Variants in CHD9 observed in about 807,000 individuals in gnomAD.
CHD9 encodes the protein ATP-dependent chromatin remodeler CHD9.
Under a neutral mutation model 316.1 loss-of-function variants are expected in CHD9, and 77 were observed. The observed-to-expected ratio is 0.24, with a 90% CI of 0.20 to 0.29. The LOEUF (loss-of-function observed/expected upper bound fraction) is 0.29. CHD9 is among the 10% of genes least tolerant of loss of function. The pLI, the probability that CHD9 is intolerant of heterozygous loss-of-function variation, is 1.00. For missense variants in CHD9, 2,763 were observed against 3,438.1 expected, an observed-to-expected ratio of 0.80 and a Z score of 4.91; for synonymous variants, 1,129 against 1,158.3, an observed-to-expected ratio of 0.97 and a Z score of 0.51.
chr16:53,056,760 G>A lies in CHD9; in HGVS notation c.-165+1683G>A, dbSNP rs965551075. On this transcript the variant is annotated intron_variant, in intron 1 of 38. Coordinates refer to ENST00000447540, the MANE Select transcript of CHD9 (RefSeq NM_001308319.2). Reference sequence around the variant, plus strand: ...ATTATTGAGAGCCTACTGTGGGCCAGGCAGTTTTCCAGATGCTAGAGATAA... The same window carrying A: ...ATTATTGAGAGCCTACTGTGGGCCAAGCAGTTTTCCAGATGCTAGAGATAA... Among the ~76,000 whole-genome samples, 15 of 152,302 alleles carry A rather than the reference G, an allele frequency of 9.8e-5. No homozygotes were observed. The East Asian group carries it at 2.9e-3, about 29-fold the overall frequency.
intron 7 of CHD9, among the ~76,000 whole-genome samples, chr16:53,227,859 T>TC (rs1184384294): frequency 6.6e-6 from 1 of 151,942 alleles, no homozygotes; most frequent in Non-Finnish European, 1.5e-5. Context: ...GCCAAGGCGG[T>TC]CATATCACGA....
intron 1 of CHD9, among the ~76,000 whole-genome samples, chr16:53,087,840 C>T (rs1355815976): frequency 1.3e-5 from 2 of 151,624 alleles, no homozygotes; most frequent in African/African-American, 2.4e-5. Flanking sequence ...CCCAGCTACT[C>T]GGGAAGCTGA....
intron 1 of CHD9, among the ~76,000 whole-genome samples, chr16:53,091,843 C>G (rs577685212): frequency 5.3e-5 from 8 of 152,128 alleles, no homozygotes; most frequent in Non-Finnish European, 1.2e-4. Flanking sequence ...TTCTCTCCTT[C>G]CTTCCTTTTG....
intron 1 of CHD9, among the ~76,000 whole-genome samples, chr16:53,089,044 G>A (rs1482720865): frequency 6.6e-5 from 10 of 152,122 alleles, no homozygotes; most frequent in East Asian, 3.9e-4. Flanking sequence ...CCTGGGAGGC[G>A]GAGGTTGCAG....
intron 19 of CHD9, among the ~76,000 whole-genome samples, chr16:53,259,252 T>C (rs1001380375): frequency 6.6e-6 from 1 of 152,204 alleles, no homozygotes; most frequent in Non-Finnish European, 1.5e-5. Context: ...TAAAATTGTT[T>C]TATTTGTAAA....
chr16:53,172,557 T>C (rs1360183801), intron 2 of CHD9, among the ~76,000 whole-genome samples: 6 of 152,182 alleles, frequency 3.9e-5, no homozygotes, highest in Non-Finnish European at 7.4e-5. Flanking sequence ...GGGTTTTTAA[T>C]AGGTATATAT....
At chr16:53,138,038 G>A (rs1454116425) in intron 1 of CHD9, among the ~76,000 whole-genome samples, 1 of 151,934 alleles carries the variant, frequency 6.6e-6, no homozygotes, top group African/African-American at 2.4e-5. Flanking sequence ...AAGGAGGGGG[G>A]GAAATATGAC....
Position 53,227,409 on chromosome 16 carries a change from A to C in CHD9, c.2057A>C (p.Glu686Ala). The C allele has an allele frequency of 1.3e-6, 2 of 1,567,150 alleles. No homozygotes were observed. Among genetic ancestry groups the C allele is most frequent in the Non-Finnish European group, 1.7e-6 (2 of 1,154,920 alleles). Reference protein sequence around the residue: ...PLQLFVENPSEEDAAIVDKIL... With the variant: ...PLQLFVENPSAEDAAIVDKIL... ...TCCCTCCCATAGGAGAATCCGAGTGAAGAAGATGCTGCAATTGTAGACAAA... is the reference window on the plus strand; with the variant it reads ...TCCCTCCCATAGGAGAATCCGAGTGCAGAAGATGCTGCAATTGTAGACAAA... The change falls in exon 6 of 39, where the codon GAA becomes GCA. Residue 686 changes from glutamate to alanine, a missense_variant. Coordinates refer to ENST00000447540, the MANE Select transcript of CHD9 (RefSeq NM_001308319.2).
chr16:53,122,414 C>T (rs977239263), intron 1 of CHD9, among the ~76,000 whole-genome samples: 7 of 152,144 alleles, frequency 4.6e-5, no homozygotes, highest in African/African-American at 7.2e-5. Flanking sequence ...TTATTTACTG[C>T]GGAACTAATT....
At chr16:53,229,515 A>T (rs2047984189) in intron 8 of CHD9, among the ~76,000 whole-genome samples, 2 of 152,154 alleles carry the variant, frequency 1.3e-5, no homozygotes, top group Non-Finnish European at 2.9e-5. Context: ...CTCTGGAAAA[A>T]TTTACCTCTC....
At position 53,157,114 on chromosome 16, in the gene CHD9, C is replaced by T. The variant is rs750583516; in HGVS notation, c.1025C>T (p.Ser342Leu). Reference protein sequence around the residue: ...LNSNNFQILHSSHPQGNYSNS... With the variant: ...LNSNNFQILHLSHPQGNYSNS... ...TCAAATAATTTCCAAATATTGCATT[C>T]ATCACATCCTCAGGGTAATTATAGC... is the stretch of plus-strand genomic sequence containing the variant. The change falls in exon 2 of 39, where the codon TCA becomes TTA. Residue 342 changes from serine (S) to leucine (L), a missense_variant. By Grantham distance (145) the Ser-to-Leu change is moderately radical. Coordinates refer to ENST00000447540, the MANE Select transcript of CHD9 (RefSeq NM_001308319.2). The T allele has an allele frequency of 1.2e-6, 2 of 1,610,974 alleles. No homozygotes were observed. Among genetic ancestry groups the T allele is most frequent in the Admixed American group, 1.7e-5 (1 of 59,552 alleles).
At chr16:53,250,395 G>A (rs147518705) in intron 17 of CHD9, 3,064 of 202,102 alleles carry the variant, frequency 0.015, 33 homozygotes, top group Non-Finnish European at 0.024. Flanking sequence ...TGAACCCCAG[G>A]ACTCAAGCAT....
chr16:53,055,788 C>G (rs1348202701), intron 1 of CHD9, among the ~76,000 whole-genome samples: 1 of 152,158 alleles, frequency 6.6e-6, no homozygotes, highest in Non-Finnish European at 1.5e-5. Flanking sequence ...CCCCACCCCC[C>G]ACAGTAGGGC....
chr16:53,108,481 G>A (rs1054252030), intron 1 of CHD9, among the ~76,000 whole-genome samples: 4 of 151,740 alleles, frequency 2.6e-5, no homozygotes, highest in African/African-American at 9.7e-5. Flanking sequence ...CTCCAGCCTG[G>A]ATAACAGAGT....
At chr16:53,094,443 T>C (rs2036213199) in intron 1 of CHD9, among the ~76,000 whole-genome samples, 4 of 152,016 alleles carry the variant, frequency 2.6e-5, no homozygotes, top group African/African-American at 9.7e-5. Context: ...CCCAGCCCCG[T>C]CACAGTGAAA....
chr16:53,277,194 A>G (rs948886764), intron 24 of CHD9, among the ~76,000 whole-genome samples: 3 of 152,220 alleles, frequency 2.0e-5, no homozygotes, highest in Non-Finnish European at 4.4e-5. Flanking sequence ...AAGAATTGGT[A>G]CCAATCCTTT....
At chr16:53,261,144 C>A (rs181676634) in intron 19 of CHD9, among the ~76,000 whole-genome samples, 1 of 147,958 alleles carries the variant, frequency 6.8e-6, no homozygotes, top group East Asian at 2.0e-4. Flanking sequence ...AACATTTGTT[C>A]CTGTCATTTC....
At chr16:53,218,811 C>T (rs1436489044) in intron 3 of CHD9, among the ~76,000 whole-genome samples, 1 of 152,130 alleles carries the variant, frequency 6.6e-6, no homozygotes. Flanking sequence ...TAAACAACTA[C>T]ACTCTCCGTG....
intron 1 of CHD9, chr16:53,131,240 A>AGGCGGGGGGC (rs2152680760): frequency 6.9e-6 from 1 of 144,124 alleles, no homozygotes; most frequent in South Asian, 2.0e-4. Flanking sequence ...GTCTCAGTCG[A>AGGCGGGGGGC]GGCGGGGGGC....
Sources: allele counts gnomAD v4.1 joint callset (sites outside exome capture counted in the v4.1 genomes callset), GRCh38; gene constraint gnomAD v4.1.1; transcripts MANE v1.5; gene names NCBI Gene and HGNC (gene_info 2026-07-23, HGNC 2026-07-21).